Variants in STX18 observed in about 807,000 individuals in gnomAD.
STX18 encodes the protein syntaxin 18.
STX18 carries 40 observed loss-of-function variants against 50.1 expected under a neutral mutation model. The observed-to-expected ratio is 0.80, with a 90% CI of 0.62 to 1.04. STX18 has a LOEUF of 1.04. Among genes scored for constraint, STX18 ranks in the 50% least tolerant of loss-of-function variants. STX18 has a pLI of 0.00. For synonymous variants in STX18, 158 were observed against 151.8 expected, an observed-to-expected ratio of 1.04 and a Z score of -0.30; for missense variants, 410 against 415.8, an observed-to-expected ratio of 0.99 and a Z score of 0.12.
At chr4:4,440,652 G>A (rs1375921161) in intron 5 of STX18, among the ~76,000 whole-genome samples, 1 of 152,210 alleles carries the variant, frequency 6.6e-6, no homozygotes, top group Non-Finnish European at 1.5e-5. Context: ...AAAAAGGATG[G>A]TATTTGCAAA....
intron 1 of STX18, among the ~76,000 whole-genome samples, chr4:4,521,322 C>G (rs1413788769): frequency 6.6e-6 from 1 of 152,142 alleles, no homozygotes; most frequent in Non-Finnish European, 1.5e-5. Flanking sequence ...AAACACAATA[C>G]CACAATGTAG....
At chr4:4,453,747 G>C (rs532618761) in intron 5 of STX18, 1 of 880,348 alleles carries the variant, frequency 1.1e-6, no homozygotes, top group South Asian at 5.2e-5. Context: ...TCAGACAAAT[G>C]TGTCCACTCA....
At chr4:4,484,597 C>T (rs945894790) in intron 1 of STX18, among the ~76,000 whole-genome samples, 20 of 152,070 alleles carry the variant, frequency 1.3e-4, no homozygotes, top group Non-Finnish European at 2.2e-4. Flanking sequence ...ACCGGAGACC[C>T]CTCCCTGTAG....
chr4:4,531,805 T>A (rs1731107734), intron 1 of STX18, among the ~76,000 whole-genome samples: 1 of 152,234 alleles, frequency 6.6e-6, no homozygotes, highest in African/African-American at 2.4e-5. Flanking sequence ...GCAATAATTT[T>A]CCTTTTATCA....
chr4:4,493,759 T>C (rs1729048526), intron 1 of STX18, among the ~76,000 whole-genome samples: 2 of 152,202 alleles, frequency 1.3e-5, no homozygotes, highest in South Asian at 4.1e-4. Context: ...TGTTTTGAAG[T>C]TTTTACAGTA....
chr4:4,488,306 T>TA (rs971726152), intron 1 of STX18, among the ~76,000 whole-genome samples: 22 of 148,934 alleles, frequency 1.5e-4, no homozygotes, highest in African/African-American at 4.7e-4. Flanking sequence ...TACTGACATT[T>TA]AAAAAAAAAA....
Position 4,420,129 on chromosome 4 carries a change from C to A in STX18, c.913G>T (p.Ala305Ser). ...CGGAAGCCAGCGTTGTTTTTAATGG[C>A]CTGGGCAGGGACGGGAGCACAGGTG... is the stretch of plus-strand genomic sequence containing the variant. ...IKEGNEDIRE[A>S]IKNNAGFRVW... Residue 305 changes from alanine (A) to serine (S), a missense_variant and splice_region_variant, in exon 11 of 11, where the codon GCC becomes TCC. Physicochemically the swap from Ala to Ser is moderately conservative, Grantham distance 99. Transcript: ENST00000306200. The surrounding 1 kb of genome is among the most constrained non-coding windows in gnomAD (Gnocchi z 4.3). 2 of 1,609,578 alleles carry A rather than the reference C, an allele frequency of 1.2e-6. No individual in the cohort carries two copies. Among genetic ancestry groups the A allele is most frequent in the Non-Finnish European group, 1.7e-6 (2 of 1,178,024 alleles).
chr4:4,457,551 G>C, intron 3 of STX18, 51 bp from the exon 4 acceptor site: 1 of 1,383,002 alleles, frequency 7.2e-7, no homozygotes, highest in Non-Finnish European at 1.0e-6. Context: ...TTATCCTAAA[G>C]AGCAATTCAT....
chr4:4,513,728 G>C (rs894370344), intron 1 of STX18, among the ~76,000 whole-genome samples: 2 of 152,138 alleles, frequency 1.3e-5, no homozygotes, highest in Non-Finnish European at 2.9e-5. Flanking sequence ...TTAATGCTGA[G>C]TAAAAACTAC....
At chr4:4,511,938 G>A (rs922731953) in intron 1 of STX18, among the ~76,000 whole-genome samples, 10 of 152,074 alleles carry the variant, frequency 6.6e-5, no homozygotes, top group Non-Finnish European at 1.0e-4. Context: ...GTCTGGGGGC[G>A]GAGGTGGGGG....
chr4:4,499,988 G>A (rs772785070), intron 1 of STX18, among the ~76,000 whole-genome samples: 6 of 152,110 alleles, frequency 3.9e-5, no homozygotes, highest in Non-Finnish European at 8.8e-5. Flanking sequence ...GGGCAGAGGT[G>A]AGGCAGCTGT....
chr4:4,453,290 T>C (rs1362199075), intron 5 of STX18, among the ~76,000 whole-genome samples: 2 of 152,240 alleles, frequency 1.3e-5, no homozygotes, highest in Non-Finnish European at 2.9e-5. Flanking sequence ...ACTCAGTTGA[T>C]GCAGCAAACT....
At chr4:4,472,366 G>A (rs1412382808) in intron 1 of STX18, among the ~76,000 whole-genome samples, 4 of 151,694 alleles carry the variant, frequency 2.6e-5, no homozygotes, top group Admixed American at 2.6e-4. Context: ...AAAAGTGGTG[G>A]GAAGAACGCT....
chr4:4,443,784 G>C lies in STX18; in HGVS notation c.498-5275C>G, dbSNP rs1726245411. ...ACCCCCTTAACAAAAAAAGAAAAAAGCCTATATGATCATTGCATTAGATGT... is the reference window on the plus strand; with the variant it reads ...ACCCCCTTAACAAAAAAAGAAAAAACCCTATATGATCATTGCATTAGATGT... On this transcript the variant is annotated intron_variant, in intron 5 of 10. Coordinates refer to ENST00000306200, the MANE Select transcript of STX18 (RefSeq NM_016930.4). 2.6e-5 allele frequency among the ~76,000 whole-genome samples: 4 copies of C among 152,110 alleles called. No homozygotes were observed. The South Asian group carries it at 8.3e-4, about 31-fold the overall frequency.
intron 5 of STX18, among the ~76,000 whole-genome samples, chr4:4,455,936 T>C (rs769839569): frequency 6.6e-6 from 1 of 152,124 alleles, no homozygotes. Context: ...ATGAGACCTC[T>C]TAGTGAATCC....
At chr4:4,423,415 C>G (rs887330442) in intron 9 of STX18, 103 bp downstream of exon 9, 1 of 1,112,090 alleles carries the variant, frequency 9.0e-7, no homozygotes, top group African/African-American at 1.5e-5. Context: ...TGGCTCTGCT[C>G]CTGGCTGTGT....
chr4:4,437,574 T>A, intron 6 of STX18: 1 of 980,708 alleles, frequency 1.0e-6, no homozygotes, highest in Non-Finnish European at 1.2e-6. Flanking sequence ...TAAGAGATAC[T>A]CAACCTGTAA....
At chr4:4,452,860 T>C (rs867514712) in intron 5 of STX18, among the ~76,000 whole-genome samples, 1 of 152,330 alleles carries the variant, frequency 6.6e-6, no homozygotes. Context: ...AAATATCAAC[T>C]TTAACAGGAG....
chr4:4,519,019 G>T (rs971249920), intron 1 of STX18, among the ~76,000 whole-genome samples: 1 of 152,160 alleles, frequency 6.6e-6, no homozygotes, highest in African/African-American at 2.4e-5. Flanking sequence ...AGTGGGTTGT[G>T]TGAACCCACA....
Sources: allele counts gnomAD v4.1 joint callset (sites outside exome capture counted in the v4.1 genomes callset), GRCh38; gene constraint gnomAD v4.1.1; non-coding constraint Gnocchi (gnomAD v3.1); transcripts MANE v1.5; gene names NCBI Gene and HGNC (gene_info 2026-07-23, HGNC 2026-07-21).